Variants in SCN4A observed in about 807,000 individuals in gnomAD.
SCN4A encodes sodium channel protein type 4 subunit alpha.
SCN4A carries 83 observed loss-of-function variants against 162.0 expected under a neutral mutation model. The ratio of observed to expected loss-of-function variants is 0.51; its 90% CI spans 0.43 to 0.61. The LOEUF is 0.61. SCN4A is among the 20% of genes least tolerant of loss of function. The probability of loss-of-function intolerance (pLI) is 0.00; values close to 1 mark genes in which losing one functional copy is unlikely to be tolerated. For synonymous variants in SCN4A, 944 were observed against 985.1 expected, an observed-to-expected ratio of 0.96 and a Z score of 0.78; for missense variants, 2,196 against 2,462.5, an observed-to-expected ratio of 0.89 and a Z score of 2.29.
At position 63,941,692 on chromosome 17, in the gene SCN4A, G is replaced by C; in HGVS notation, c.4590C>G (p.Phe1530Leu). 1 of 1,614,124 alleles carries C rather than the reference G, an allele frequency of 6.2e-7. No homozygotes were observed. Among genetic ancestry groups the C allele is most frequent in the South Asian group, 1.1e-5 (1 of 91,076 alleles). The change falls in exon 24 of 24, where the codon TTC becomes TTG. Residue 1530 changes from phenylalanine to leucine, a missense_variant. Physicochemically the swap from Phe to Leu is conservative, Grantham distance 22. Coordinates refer to ENST00000435607, the MANE Select transcript of SCN4A (RefSeq NM_000334.4). This position sits in a 1 kb window ranked among gnomAD's most constrained non-coding sequence, Gnocchi z 6.2. ...ETFGNSIICL[F>L]EITTSAGWDG... ...CCCAGCCGGCCGACGTGGTGATCTC[G>C]AACAGGCAGATGATGCTGTTGCCGA...
At chr17:63,965,990 C>A in intron 8 of SCN4A, 112 bp downstream of exon 8, 1 of 752,926 alleles carries the variant, frequency 1.3e-6, no homozygotes, top group Non-Finnish European at 2.2e-6. Flanking sequence ...GAGGAGATGG[C>A]CCAGTTCGGG....
chr17:63,971,827 G>T lies in SCN4A; in HGVS notation c.506C>A (p.Thr169Asn), dbSNP rs1405112136. Reference sequence around the variant, plus strand: ...CAGTATCTTGATGAGGGACTCAAAGGTGTAGATCCCTGTGAAGGTGTACCT... The same window carrying T: ...CAGTATCTTGATGAGGGACTCAAAGTTGTAGATCCCTGTGAAGGTGTACCT... The part of the protein sequence containing the change: ...NVEYTFTGIY[T>N]FESLIKILAR... Residue 169 changes from threonine to asparagine, a missense_variant, in exon 4 of 24, where the codon ACC (threonine) becomes AAC (asparagine). Physicochemically the swap from Thr to Asn is moderately conservative, Grantham distance 65. Coordinates refer to ENST00000435607, the MANE Select transcript of SCN4A (RefSeq NM_000334.4). The T allele has an allele frequency of 4.2e-5, 67 of 1,613,750 alleles. No individual in the cohort carries two copies. Among genetic ancestry groups the T allele is most frequent in the Non-Finnish European group, 5.7e-5 (67 of 1,179,774 alleles).
chr17:63,949,617 G>T, intron 14 of SCN4A, 89 bp from the exon 15 acceptor site: 2 of 1,427,248 alleles, frequency 1.4e-6, no homozygotes, highest in Non-Finnish European at 1.9e-6. Context: ...GAGACCAGAA[G>T]GGAAGGGAAG....
At position 63,963,788 on chromosome 17, in the gene SCN4A, T is replaced by C. The variant is rs1909346645; in HGVS notation, c.1490A>G (p.Asp497Gly). Residue 497 changes from aspartate to glycine, a missense_variant, in exon 10 of 24, where the codon GAT becomes GGT. Transcript: ENST00000435607. The stretch of plus-strand genomic sequence containing the variant: ...GTCTTTGCCATGGGCTGGGTCCCCA[T>C]CTGCCTCCCCACCTTCCAGAGCTTG... ...AAQALEGGEA[D>G]GDPAHGKDCN... 6.2e-7 allele frequency: 1 copy of C among 1,606,984 alleles called. No homozygotes were observed. The highest frequency in any genetic ancestry group is 8.5e-7 in the Non-Finnish European group (1 of 1,177,052).
In SCN4A at chr17:63,940,717, G is replaced by A. The variant is rs1237988758; in HGVS notation, c.*54C>T. ...CCCTCACTCTGTGTGCAGGCACCAC[G>A]GGGGAGCTCTGGGGACTATGCCGAG... On this transcript the variant is annotated 3_prime_UTR_variant, in exon 24 of 24. Transcript: ENST00000435607. 16 of 1,512,756 alleles carry A rather than the reference G, an allele frequency of 1.1e-5. No homozygotes were observed. The highest frequency in any genetic ancestry group is 2.7e-5 in the South Asian group (2 of 75,194). 93.7% of individuals were successfully genotyped at this position (1,512,756 alleles called of 1,614,324 possible).
At chr17:63,967,585 C>T (rs1194433824) in intron 6 of SCN4A, among the ~76,000 whole-genome samples, 4 of 152,144 alleles carry the variant, frequency 2.6e-5, no homozygotes, top group Admixed American at 2.6e-4. Flanking sequence ...GTGACACAGG[C>T]TGCCAAGTGC....
rs931134047 is a variant in SCN4A, at chr17:63,948,048, A to G, written c.3160T>C (p.Tyr1054His). ...CGAATGACTCGCCGCTGCTCAATGT[A>G]GATGTCCTCGAAGGCCTGGGGGCAC... ...SSGALAFEDI[Y>H]IEQRRVIRTI... Residue 1054 changes from tyrosine to histidine, a missense_variant, in exon 17 of 24, where the codon TAC becomes CAC. Tyr to His is a moderately conservative substitution (Grantham distance 83). Coordinates refer to ENST00000435607, the MANE Select transcript of SCN4A (RefSeq NM_000334.4). 1.2e-6 allele frequency: 2 copies of G among 1,603,754 alleles called. No individual in the cohort carries two copies. The highest frequency in any genetic ancestry group is 2.7e-5 in the African/African-American group (2 of 74,828).
intron 15 of SCN4A, 143 bp from the exon 16 acceptor site, chr17:63,948,908 C>G (rs1467577279): frequency 1.3e-5 from 9 of 680,504 alleles, no homozygotes; most frequent in Non-Finnish European, 1.9e-5. Flanking sequence ...CCTCCCTCAC[C>G]CAGCTCCATC....
Position 63,972,329 on chromosome 17 carries a change from C to G in SCN4A, c.392+23G>C, listed in dbSNP as rs746347365. On this transcript the variant is annotated intron_variant, in intron 2 of 23. Coordinates refer to ENST00000435607, the MANE Select transcript of SCN4A (RefSeq NM_000334.4). This position sits in a 1 kb window ranked among gnomAD's most constrained non-coding sequence, Gnocchi z 4.3. The stretch of plus-strand genomic sequence containing the variant: ...CTCGCCCATCCCTAACCCCTCCCGC[C>G]TCTCCCATCTTGGGCAGGATATGCA... 3.1e-6 allele frequency: 5 copies of G among 1,609,022 alleles called. No individual in the cohort carries two copies. In the South Asian group the frequency reaches 5.5e-5, roughly 18 times the overall value.
chr17:63,943,980 G>A lies in SCN4A; in HGVS notation c.3913-130C>T, dbSNP rs1422537083. 9.3e-5 allele frequency: 60 copies of A among 642,718 alleles called. 1 individual carries two copies. The highest frequency in any genetic ancestry group is 7.6e-4 in the South Asian group (42 of 55,474). The allele number at this position is 642,718 out of a possible 1,614,324, so 39.8% of individuals were successfully genotyped here. The stretch of plus-strand genomic sequence containing the variant: ...CCTGTTGATCAGCCTGGAGGAAGCG[G>A]GAGGGTCAGAGATGGAGGGACAAGG... On this transcript the variant is annotated intron_variant, in intron 21 of 23. Transcript: ENST00000435607.
chr17:63,971,967 A>G (rs1909624759), intron 3 of SCN4A, 117 bp from the exon 4 acceptor site: 2 of 1,246,124 alleles, frequency 1.6e-6, no homozygotes, highest in Non-Finnish European at 2.3e-6. Flanking sequence ...CAGGTGGCTA[A>G]GGACACTAGC....
In SCN4A at chr17:63,971,852, TG is replaced by T. The variant is rs753162147; in HGVS notation, c.483-3del. On this transcript the variant is annotated splice_region_variant and splice_polypyrimidine_tract_variant and intron_variant, in intron 3 of 23. Coordinates refer to ENST00000435607, the MANE Select transcript of SCN4A (RefSeq NM_000334.4). ...GTGTAGATCCCTGTGAAGGTGTACC[TG>T]GGGGGGAGAGGGCCGGCCGGGACAG... The T allele has an allele frequency of 5.3e-6, 8 of 1,500,370 alleles. No homozygotes were observed. The highest frequency in any genetic ancestry group is 1.9e-5 in the Admixed American group (1 of 51,446). The allele number at this position is 1,500,370 out of a possible 1,614,324, so 92.9% of individuals were successfully genotyped here.
At position 63,961,178 on chromosome 17, in the gene SCN4A, C is replaced by A; in HGVS notation, c.1845+15G>T. ...ATCCTGCCCATGAATGATCCCCTCC[C>A]CCGCCCCTCCCTACCAGGTTGCCCA... On this transcript the variant is annotated intron_variant, in intron 11 of 23. Transcript: ENST00000435607. 8.4e-7 allele frequency: 1 copy of A among 1,184,334 alleles called. No homozygotes were observed. Among genetic ancestry groups the A allele is most frequent in the Non-Finnish European group, 1.2e-6 (1 of 805,614 alleles). 73.4% of individuals were successfully genotyped at this position (1,184,334 alleles called of 1,614,324 possible). A position where few individuals can be genotyped will look rare whatever the true frequency, so the allele number is the denominator to read the frequency against.
intron 10 of SCN4A, chr17:63,961,649 C>T (rs903711142): frequency 5.2e-6 from 2 of 387,664 alleles, no homozygotes; most frequent in African/African-American, 2.1e-5. Context: ...CCCAAAGCCC[C>T]GCGCTCTGAG....
chr17:63,946,342 G>A (rs1468417971), intron 18 of SCN4A, among the ~76,000 whole-genome samples: 1 of 152,120 alleles, frequency 6.6e-6, no homozygotes, highest in African/African-American at 2.4e-5. Context: ...CCTCTTGCAG[G>A]GACAGGAAGG....
intron 3 of SCN4A, 111 bp from the exon 4 acceptor site, chr17:63,971,961 T>TG: frequency 2.3e-6 from 3 of 1,289,988 alleles, no homozygotes; most frequent in Non-Finnish European, 3.3e-6. Context: ...GCCACTCAGG[T>TG]GGCTAAGGAC....
intron 13 of SCN4A, among the ~76,000 whole-genome samples, chr17:63,953,711 GAA>G (rs1567821747): frequency 6.7e-6 from 1 of 149,162 alleles, no homozygotes; most frequent in East Asian, 1.9e-4. Context: ...AAAAGAAAAA[GAA>G]AGAAAGAAAG....
At position 63,950,959 on chromosome 17, in the gene SCN4A, T is replaced by C. The variant is rs1908887863; in HGVS notation, c.2853+465A>G. 6.6e-6 allele frequency among the ~76,000 whole-genome samples: 1 copy of C among 152,170 alleles called. No homozygotes were observed. The highest frequency in any genetic ancestry group is 2.4e-5 in the African/African-American group (1 of 41,444). On this transcript the variant is annotated intron_variant, in intron 14 of 23. Coordinates refer to ENST00000435607, the MANE Select transcript of SCN4A (RefSeq NM_000334.4). The surrounding 1 kb of genome is among the most constrained non-coding windows in gnomAD (Gnocchi z 4.6). Reference sequence around the variant, plus strand: ...AATCCCCTGCCTGGATCTGGCACTTTGGCCCACACTGGGAGGTTGGGAGCA... The same window carrying C: ...AATCCCCTGCCTGGATCTGGCACTTCGGCCCACACTGGGAGGTTGGGAGCA...
chr17:63,968,333 G>A lies in SCN4A; in HGVS notation c.726C>T (p.Ala242=), dbSNP rs73326368. Residue 242 remains alanine (A), a synonymous_variant, in exon 6 of 24, where the codon GCC becomes GCT. Coordinates refer to ENST00000435607, the MANE Select transcript of SCN4A (RefSeq NM_000334.4). ...ACAGCTTTTTCACCGACTGGATCAG[G>A]GCCCCCACGATCGTCTTCAGCCCTG... ...VIPGLKTIVG[A]LIQSVKKLSD... 4,885 of 1,603,712 alleles carry A rather than the reference G, an allele frequency of 3.0e-3. 126 individuals are homozygous for A. In the African/African-American group the frequency reaches 0.058, roughly 19 times the overall value.
Sources: gnomAD v4.1 joint callset for allele counts (sites outside exome capture counted in the v4.1 genomes callset) on GRCh38, gnomAD v4.1.1 for gene constraint, Gnocchi (gnomAD v3.1) non-coding constraint, MANE v1.5 for transcripts, NCBI Gene and HGNC (gene_info 2026-07-23, HGNC 2026-07-21) for gene names.